The following MAML2 variants were observed in gnomAD, a reference collection of about 807,000 sequenced individuals.
MAML2 encodes the protein mastermind-like protein 2.
MAML2 carries 22 observed loss-of-function variants against 96.1 expected under a neutral mutation model. The observed-to-expected ratio is 0.23, with a 90% CI of 0.16 to 0.33. MAML2 has a LOEUF of 0.33. Among genes scored for constraint, MAML2 ranks in the 10% least tolerant of loss-of-function variants. The pLI is 1.00. For missense variants in MAML2, 1,367 were observed against 1,392.4 expected (o/e 0.98, Z 0.29); for synonymous variants, 561 against 521.3 (o/e 1.08, Z -1.04).
chr11:96,203,514 T>C (rs1329579761), intron 1 of MAML2, among the ~76,000 whole-genome samples: 1 of 152,224 alleles, frequency 6.6e-6, no homozygotes, highest in Non-Finnish European at 1.5e-5. Context: ...TATTTAGTTT[T>C]TTTAGATATA....
chr11:96,122,891 G>C (rs906189349), intron 1 of MAML2, among the ~76,000 whole-genome samples: 2 of 152,246 alleles, frequency 1.3e-5, no homozygotes, highest in Admixed American at 1.3e-4. Flanking sequence ...TAAGGTGTTG[G>C]TGCTGGAACA....
At chr11:95,998,107 TCC>T (rs1858020560) in intron 2 of MAML2, among the ~76,000 whole-genome samples, 1 of 151,538 alleles carries the variant, frequency 6.6e-6, no homozygotes, top group Non-Finnish European at 1.5e-5. Flanking sequence ...TACCCATTTA[TCC>T]ACTTTTCTAT....
chr11:96,040,215 T>C (rs1858786359), intron 2 of MAML2, among the ~76,000 whole-genome samples: 1 of 152,148 alleles, frequency 6.6e-6, no homozygotes, highest in Non-Finnish European at 1.5e-5. Flanking sequence ...TCATAGAACT[T>C]ACATCTAATG....
In MAML2 at chr11:96,196,491, G is replaced by A. The variant is rs573166649; in HGVS notation, c.514-102974C>T. On this transcript the variant is annotated intron_variant, in intron 1 of 4. Coordinates refer to ENST00000524717, the MANE Select transcript of MAML2 (RefSeq NM_032427.4). Reference sequence around the variant, plus strand: ...AAGGAGACGTGTAAAAAAATCACATGCAGGGATTGACCATTGAAGTCAATC... The same window carrying A: ...AAGGAGACGTGTAAAAAAATCACATACAGGGATTGACCATTGAAGTCAATC... 1.5e-4 allele frequency among the ~76,000 whole-genome samples: 23 copies of A among 152,328 alleles called. 1 individual carries two copies. The South Asian group carries it at 2.7e-3, about 18-fold the overall frequency.
At chr11:96,015,297 T>C (rs919371012) in intron 2 of MAML2, among the ~76,000 whole-genome samples, 9 of 152,178 alleles carry the variant, frequency 5.9e-5, no homozygotes, top group African/African-American at 2.2e-4. Flanking sequence ...GCATTTGATA[T>C]AGGAGTAATA....
intron 1 of MAML2, among the ~76,000 whole-genome samples, chr11:96,102,276 A>C (rs1859947956): frequency 6.6e-6 from 1 of 151,340 alleles, no homozygotes; most frequent in South Asian, 2.1e-4. Flanking sequence ...ACTCTGTCTC[A>C]AAACAAAAAC....
chr11:96,171,418 G>C (rs1861294570), intron 1 of MAML2, among the ~76,000 whole-genome samples: 2 of 151,970 alleles, frequency 1.3e-5, no homozygotes, highest in African/African-American at 2.4e-5. Context: ...TTTAATTATT[G>C]GTTCATTTTT....
At chr11:96,247,518 C>T (rs114478928) in intron 1 of MAML2, among the ~76,000 whole-genome samples, 154 of 152,256 alleles carry the variant, frequency 1.0e-3, no homozygotes, top group African/African-American at 3.6e-3. Flanking sequence ...GCTTTCCAAT[C>T]AATTTTACCC....
chr11:96,074,372 T>C (rs2135791565), intron 2 of MAML2, among the ~76,000 whole-genome samples: 1 of 152,370 alleles, frequency 6.6e-6, no homozygotes, highest in East Asian at 1.9e-4. Context: ...ACTATTGTCA[T>C]GTTGTTTTCT....
chr11:96,064,319 C>G (rs894753226), intron 2 of MAML2, among the ~76,000 whole-genome samples: 1 of 152,160 alleles, frequency 6.6e-6, no homozygotes, highest in Non-Finnish European at 1.5e-5. Context: ...CAAGTCCGCT[C>G]TAGAAAATAA....
At chr11:96,027,567 G>C (rs896221247) in intron 2 of MAML2, among the ~76,000 whole-genome samples, 2 of 152,126 alleles carry the variant, frequency 1.3e-5, no homozygotes, top group Admixed American at 6.5e-5. Context: ...GGTGCAGTGG[G>C]ACCACAGAGG....
chr11:96,235,031 C>A (rs1287367310), intron 1 of MAML2, among the ~76,000 whole-genome samples: 1 of 151,968 alleles, frequency 6.6e-6, no homozygotes, highest in Non-Finnish European at 1.5e-5. Flanking sequence ...CATAAACAAC[C>A]TTTTCTCAAG....
chr11:96,271,594 T>G (rs768230987), intron 1 of MAML2, among the ~76,000 whole-genome samples: 2 of 152,108 alleles, frequency 1.3e-5, no homozygotes, highest in Non-Finnish European at 2.9e-5. Flanking sequence ...ATAAGGGGCT[T>G]TTCCCCCACT....
At chr11:96,165,963 C>T (rs1861181895) in intron 1 of MAML2, among the ~76,000 whole-genome samples, 1 of 152,180 alleles carries the variant, frequency 6.6e-6, no homozygotes, top group African/African-American at 2.4e-5. Context: ...AGGTATCATG[C>T]ACAGCACAAG....
chr11:96,318,565 C>T (rs1044071946), intron 1 of MAML2, among the ~76,000 whole-genome samples: 1 of 152,178 alleles, frequency 6.6e-6, no homozygotes. Context: ...CTATTTCCTG[C>T]TAAGTCTGGT....
At chr11:96,270,805 A>G (rs1280332297) in intron 1 of MAML2, among the ~76,000 whole-genome samples, 1 of 152,180 alleles carries the variant, frequency 6.6e-6, no homozygotes, top group South Asian at 2.1e-4. Context: ...TGAAAGATGC[A>G]AAAGTATTGT....
chr11:96,121,473 A>G (rs373131554), intron 1 of MAML2, among the ~76,000 whole-genome samples: 11 of 152,170 alleles, frequency 7.2e-5, no homozygotes, highest in South Asian at 4.1e-4. Flanking sequence ...TTTAACAGAC[A>G]TGTACTTTGG....
chr11:96,140,102 A>G (rs922318965), intron 1 of MAML2, among the ~76,000 whole-genome samples: 4 of 152,240 alleles, frequency 2.6e-5, no homozygotes, highest in African/African-American at 9.6e-5. Context: ...TCCTGCCTCC[A>G]TAGATGATTT....
intron 4 of MAML2, among the ~76,000 whole-genome samples, chr11:95,984,681 C>A (rs780068509): frequency 7.9e-5 from 12 of 152,132 alleles, no homozygotes; most frequent in Non-Finnish European, 1.5e-4. Flanking sequence ...CTTAACAGTA[C>A]CAGGAAGTAT....
Sources: gnomAD v4.1 joint callset for allele counts (sites outside exome capture counted in the v4.1 genomes callset) on GRCh38, gnomAD v4.1.1 for gene constraint, MANE v1.5 for transcripts, NCBI Gene and HGNC (gene_info 2026-07-23, HGNC 2026-07-21) for gene names.